Variants in CTNNA3 observed in about 807,000 individuals in gnomAD.
CTNNA3 encodes the protein catenin alpha-3.
CTNNA3 carries 76 observed loss-of-function variants against 95.7 expected under a neutral mutation model. The ratio of observed to expected loss-of-function variants is 0.79; its 90% CI spans 0.66 to 0.96. CTNNA3 has a LOEUF of 0.96. CTNNA3 is among the 40% of genes least tolerant of loss of function. CTNNA3 has a pLI of 0.00. For missense variants in CTNNA3, 1,191 were observed against 1,089.8 expected (o/e 1.09, Z -1.31); for synonymous variants, 431 against 374.4 (o/e 1.15, Z -1.74).
intron 9 of CTNNA3, among the ~76,000 whole-genome samples, chr10:66,762,095 A>C (rs1335655929): frequency 1.3e-5 from 2 of 152,202 alleles, no homozygotes; most frequent in Non-Finnish European, 2.9e-5. Flanking sequence ...TCAAAGCAAT[A>C]ATCCTCTCTA....
intron 5 of CTNNA3, among the ~76,000 whole-genome samples, chr10:67,234,954 A>T (rs376100368): frequency 0.024 from 3,587 of 147,046 alleles, 49 homozygotes; most frequent in South Asian, 0.078. Flanking sequence ...TCCAACTTAC[A>T]AGGGATGTGA....
chr10:66,225,339 C>CCAGACT (rs1384975075), intron 13 of CTNNA3, among the ~76,000 whole-genome samples: 1 of 147,692 alleles, frequency 6.8e-6, no homozygotes, highest in Admixed American at 6.8e-5. Flanking sequence ...ATAATCCCCT[C>CCAGACT]CAGACTCACC....
intron 14 of CTNNA3, among the ~76,000 whole-genome samples, chr10:66,089,852 C>G (rs1320786980): frequency 3.3e-5 from 5 of 151,822 alleles, no homozygotes; most frequent in Non-Finnish European, 7.4e-5. Context: ...CCCAGGCACT[C>G]TTGGTGCTTC....
At chr10:66,010,373 A>G (rs1353659166) in intron 15 of CTNNA3, among the ~76,000 whole-genome samples, 1 of 152,236 alleles carries the variant, frequency 6.6e-6, no homozygotes, top group Non-Finnish European at 1.5e-5. Flanking sequence ...CAGATGCTAT[A>G]GTAAAGACAA....
Position 67,193,490 on chromosome 10 carries a change from C to T in CTNNA3, c.844-12970G>A, listed in dbSNP as rs367557703. On this transcript the variant is annotated intron_variant, in intron 6 of 17. Transcript: ENST00000433211. ...TCATTCATTATTTTCCTGAACCTCT[C>T]CCTCCTCCCACCCTCCACCCTCTAT... is the stretch of plus-strand genomic sequence containing the variant. Among the ~76,000 whole-genome samples, 45 of 152,024 alleles carry T rather than the reference C, an allele frequency of 3.0e-4. No homozygotes were observed. In the East Asian group the frequency reaches 7.2e-3, roughly 24 times the overall value.
At chr10:66,080,869 T>C (rs2080733066) in intron 14 of CTNNA3, among the ~76,000 whole-genome samples, 1 of 152,154 alleles carries the variant, frequency 6.6e-6, no homozygotes. Context: ...GAGTAGGAAA[T>C]AGAGGCTTTA....
chr10:66,565,433 C>G (rs371092795), intron 10 of CTNNA3, among the ~76,000 whole-genome samples: 2 of 152,194 alleles, frequency 1.3e-5, no homozygotes, highest in East Asian at 3.9e-4. Context: ...AGAAGAGAGG[C>G]CATTAGCAAT....
At chr10:66,254,471 T>C (rs2090682082) in intron 13 of CTNNA3, among the ~76,000 whole-genome samples, 1 of 152,144 alleles carries the variant, frequency 6.6e-6, no homozygotes, top group Non-Finnish European at 1.5e-5. Flanking sequence ...CACTTTAAAG[T>C]CCATAAAAAC....
chr10:67,219,543 T>C, intron 6 of CTNNA3, 64 bp downstream of exon 6: 4 of 1,483,544 alleles, frequency 2.7e-6, no homozygotes, highest in Non-Finnish European at 3.6e-6. Context: ...GATCTTCTTC[T>C]GTTTTATTAT....
chr10:66,419,401 A>G (rs1207683458), intron 11 of CTNNA3, among the ~76,000 whole-genome samples: 1 of 152,172 alleles, frequency 6.6e-6, no homozygotes, highest in Non-Finnish European at 1.5e-5. Context: ...GAACACATAC[A>G]AATGTAAAGA....
At chr10:67,004,135 C>T (rs1421909998) in intron 7 of CTNNA3, among the ~76,000 whole-genome samples, 1 of 151,108 alleles carries the variant, frequency 6.6e-6, no homozygotes, top group Non-Finnish European at 1.5e-5. Flanking sequence ...GGAGCCATGG[C>T]TGTGTATCAG....
chr10:66,130,828 C>T (rs2083057239), intron 13 of CTNNA3, among the ~76,000 whole-genome samples: 1 of 149,716 alleles, frequency 6.7e-6, no homozygotes, highest in African/African-American at 2.5e-5. Flanking sequence ...TGCACTCCAG[C>T]CTGGTGACAC....
intron 1 of CTNNA3, chr10:67,751,151 C>A: frequency 7.7e-7 from 1 of 1,299,864 alleles, no homozygotes; most frequent in Non-Finnish European, 1.1e-6. Context: ...CAACCACACT[C>A]AGCTTCAACA....
chr10:67,271,664 G>C (rs1279045503), intron 5 of CTNNA3, among the ~76,000 whole-genome samples: 2 of 152,080 alleles, frequency 1.3e-5, no homozygotes, highest in African/African-American at 4.8e-5. Context: ...CTCAGTTTTA[G>C]AACACTCACA....
chr10:67,570,011 AT>A (rs929156191), intron 3 of CTNNA3, among the ~76,000 whole-genome samples: 1 of 152,026 alleles, frequency 6.6e-6, no homozygotes, highest in African/African-American at 2.4e-5. Flanking sequence ...ACTGGCAAAT[AT>A]TCAATAACAA....
chr10:66,253,457 C>T (rs964350259), intron 13 of CTNNA3, among the ~76,000 whole-genome samples: 5 of 152,074 alleles, frequency 3.3e-5, no homozygotes, highest in East Asian at 1.9e-4. Flanking sequence ...CACTGGAATC[C>T]TTCTAACTCC....
At chr10:66,221,485 T>C (rs2088925773) in intron 13 of CTNNA3, among the ~76,000 whole-genome samples, 1 of 152,226 alleles carries the variant, frequency 6.6e-6, no homozygotes, top group African/African-American at 2.4e-5. Flanking sequence ...GCATGGGAAC[T>C]GCACTGAGAT....
chr10:67,420,179 GA>G (rs1044814200), intron 5 of CTNNA3, among the ~76,000 whole-genome samples: 9 of 151,928 alleles, frequency 5.9e-5, no homozygotes, highest in African/African-American at 1.2e-4. Flanking sequence ...TTTTACTAAT[GA>G]AAAAAACATT....
rs11510880 is a variant in CTNNA3 at position 66,446,668 on chromosome 10, C to A, written c.1532-67316G>T. On this transcript the variant is annotated intron_variant, in intron 11 of 17. Coordinates refer to ENST00000433211, the MANE Select transcript of CTNNA3 (RefSeq NM_013266.4). Reference sequence around the variant, plus strand: ...CTCAATAAATTACGTATTGATGGGACGTATCTAAAAATAATAAGAGCTATC... The same window carrying A: ...CTCAATAAATTACGTATTGATGGGAAGTATCTAAAAATAATAAGAGCTATC... Among the ~76,000 whole-genome samples, 46 of 152,064 alleles carry A rather than the reference C, an allele frequency of 3.0e-4. 1 individual carries two copies. The highest frequency in any genetic ancestry group is 1.1e-3 in the African/African-American group (44 of 41,502).
Sources: allele counts gnomAD v4.1 joint callset (sites outside exome capture counted in the v4.1 genomes callset), GRCh38; gene constraint gnomAD v4.1.1; transcripts MANE v1.5; gene names NCBI Gene and HGNC (gene_info 2026-07-23, HGNC 2026-07-21).